Variants in SINHCAF observed in about 807,000 individuals in gnomAD.
SINHCAF encodes SIN3-HDAC complex-associated factor.
In SINHCAF, 3 loss-of-function variants were observed where a neutral mutation model predicts 25.8. The observed-to-expected ratio is 0.12, with a 90% confidence interval of 0.05 to 0.30. The LOEUF is 0.30. SINHCAF is among the 10% of genes least tolerant of loss of function. SINHCAF has a pLI of 1.00. For synonymous variants in SINHCAF, 70 were observed against 85.5 expected, an observed-to-expected ratio of 0.82 and a Z score of 1.00; for missense variants, 121 against 262.3, an observed-to-expected ratio of 0.46 and a Z score of 3.72.
intron 1 of SINHCAF, among the ~76,000 whole-genome samples, chr12:31,316,296 T>C (rs938628916): frequency 6.6e-6 from 1 of 152,094 alleles, no homozygotes; most frequent in Non-Finnish European, 1.5e-5. Flanking sequence ...AAAAGATAAC[T>C]AATTATATGG....
intron 5 of SINHCAF, among the ~76,000 whole-genome samples, chr12:31,285,960 G>A (rs1279738633): frequency 6.8e-6 from 1 of 148,032 alleles, no homozygotes; most frequent in Non-Finnish European, 1.5e-5. Context: ...GGGCTACAGA[G>A]TGAAACTCTG....
intron 4 of SINHCAF, among the ~76,000 whole-genome samples, chr12:31,289,422 A>T (rs563684324): frequency 6.6e-6 from 1 of 152,232 alleles, no homozygotes. Flanking sequence ...GAATAATGAC[A>T]TTATACCTAT....
intron 1 of SINHCAF, among the ~76,000 whole-genome samples, chr12:31,301,186 G>A (rs552060879): frequency 1.3e-5 from 2 of 152,292 alleles, no homozygotes; most frequent in East Asian, 3.9e-4. Flanking sequence ...TTTTTAATCA[G>A]CAGCCATTGT....
intron 1 of SINHCAF, among the ~76,000 whole-genome samples, chr12:31,314,989 T>A (rs1939441102): frequency 6.6e-6 from 1 of 152,246 alleles, no homozygotes; most frequent in East Asian, 1.9e-4. Context: ...TAATTTTTAA[T>A]ACCTTCTCAT....
At chr12:31,313,588 T>G (rs771156643) in intron 1 of SINHCAF, among the ~76,000 whole-genome samples, 40 of 152,384 alleles carry the variant, frequency 2.6e-4, no homozygotes, top group Non-Finnish European at 5.1e-4. Context: ...GCTGGGATTC[T>G]GAATGCACTG....
chr12:31,293,280 G>A (rs1406729504), intron 4 of SINHCAF, among the ~76,000 whole-genome samples: 1 of 152,006 alleles, frequency 6.6e-6, no homozygotes, highest in Non-Finnish European at 1.5e-5. Flanking sequence ...TCCAATAATA[G>A]CATGTGACCT....
chr12:31,288,947 A>C (rs926307849), intron 4 of SINHCAF, among the ~76,000 whole-genome samples: 2 of 152,212 alleles, frequency 1.3e-5, no homozygotes, highest in African/African-American at 4.8e-5. Context: ...AGAAATAGGA[A>C]GCCTCAGTAA....
chr12:31,286,043 T>G (rs1171750389), intron 5 of SINHCAF, among the ~76,000 whole-genome samples: 1 of 151,776 alleles, frequency 6.6e-6, no homozygotes, highest in Admixed American at 6.6e-5. Context: ...GTACTTACAC[T>G]ATGCACTAGG....
chr12:31,315,089 C>A (rs752551443), intron 1 of SINHCAF, among the ~76,000 whole-genome samples: 4 of 152,194 alleles, frequency 2.6e-5, no homozygotes, highest in Non-Finnish European at 4.4e-5. Context: ...AGCACAAGTT[C>A]CAGTAGCTTA....
At position 31,295,219 on chromosome 12, in the gene SINHCAF, G is replaced by GA. The variant is rs540866553; in HGVS notation, c.228+14dup. ...CAGTAGAGGTATAATTGAGAAAAAA[G>GA]AAAGATGGACTAACATGATTCCAGT... On this transcript the variant is annotated intron_variant, in intron 3 of 5. Transcript: ENST00000337682. 6.8e-4 allele frequency: 1,041 copies of GA among 1,537,728 alleles called. 14 individuals carry two copies. The South Asian group carries it at 9.3e-3, about 14-fold the overall frequency.
intron 1 of SINHCAF, among the ~76,000 whole-genome samples, chr12:31,310,376 T>A (rs1046702510): frequency 7.2e-5 from 11 of 152,142 alleles, no homozygotes; most frequent in Admixed American, 3.9e-4. Context: ...AAGCAGCATA[T>A]TGGGAGAAAT....
At chr12:31,293,272 CA>C (rs1333820658) in intron 4 of SINHCAF, among the ~76,000 whole-genome samples, 1 of 152,168 alleles carries the variant, frequency 6.6e-6, no homozygotes, top group Non-Finnish European at 1.5e-5. Context: ...CCAAAACTTC[CA>C]ATAATAGCAT....
chr12:31,282,881 A>ATT lies in SINHCAF; in HGVS notation c.507-11_507-10insAA. 6.3e-7 allele frequency: 1 copy of ATT among 1,583,674 alleles called. No individual in the cohort carries two copies. Among genetic ancestry groups the ATT allele is most frequent in the South Asian group, 1.2e-5 (1 of 85,944 alleles). ...ACAACATATCTTCTGTCTAAAAGAA[A>ATT]AAATGGAGAACAAGATACATTAATA... On this transcript the variant is annotated splice_polypyrimidine_tract_variant and intron_variant, in intron 5 of 5. Coordinates refer to ENST00000337682, the MANE Select transcript of SINHCAF (RefSeq NM_001135812.2).
At chr12:31,317,338 T>TAA (rs201712550) in intron 1 of SINHCAF, among the ~76,000 whole-genome samples, 1 of 147,604 alleles carries the variant, frequency 6.8e-6, no homozygotes. Context: ...CCTAAGTCTT[T>TAA]AAAAACAAAA....
chr12:31,320,165 C>T lies in SINHCAF; in HGVS notation c.-21+5859G>A, dbSNP rs552334536. Among the ~76,000 whole-genome samples, 3 of 152,306 alleles carry T rather than the reference C, an allele frequency of 2.0e-5. No homozygotes were observed. In the South Asian group the frequency reaches 6.2e-4, roughly 32 times the overall value. On this transcript the variant is annotated intron_variant, in intron 1 of 5. Transcript: ENST00000337682. ...CTAATCTTCCCTTCCAAGGTACCAA[C>T]ACTGGCTTCATGATAGTATCTAAAC... is the stretch of plus-strand genomic sequence containing the variant.
chr12:31,299,377 C>T (rs943627063), intron 1 of SINHCAF, among the ~76,000 whole-genome samples: 10 of 151,552 alleles, frequency 6.6e-5, no homozygotes, highest in Non-Finnish European at 1.2e-4. Context: ...AGTGCGGTGG[C>T]GCGATCTAGG....
chr12:31,289,291 C>T (rs1231762702), intron 4 of SINHCAF, among the ~76,000 whole-genome samples: 1 of 152,092 alleles, frequency 6.6e-6, no homozygotes, highest in East Asian at 1.9e-4. Context: ...GAGACATAAA[C>T]CTAAGACTCA....
intron 1 of SINHCAF, among the ~76,000 whole-genome samples, chr12:31,319,218 C>A (rs1565506045): frequency 6.6e-6 from 1 of 152,216 alleles, no homozygotes; most frequent in Non-Finnish European, 1.5e-5. Context: ...CCTCACTAAT[C>A]CTGTTTCCTC....
intron 3 of SINHCAF, among the ~76,000 whole-genome samples, chr12:31,294,873 A>G (rs1938484944): frequency 6.6e-6 from 1 of 152,202 alleles, no homozygotes; most frequent in African/African-American, 2.4e-5. Flanking sequence ...TCTGATCTAC[A>G]TGTTCATTAG....
Sources: gnomAD v4.1 joint callset for allele counts (sites outside exome capture counted in the v4.1 genomes callset) on GRCh38, gnomAD v4.1.1 for gene constraint, MANE v1.5 for transcripts, NCBI Gene and HGNC (gene_info 2026-07-23, HGNC 2026-07-21) for gene names.